The following CEP63 variants were observed in gnomAD, a reference collection of about 807,000 sequenced individuals.
The protein encoded by CEP63 is centrosomal protein 63.
A neutral mutation model predicts 89.1 loss-of-function variants in CEP63; 84 were observed. The observed-to-expected ratio is 0.94, with a 90% CI of 0.79 to 1.13. CEP63 has a LOEUF of 1.13. Among genes scored for constraint, CEP63 ranks in the 50% most tolerant of loss-of-function variants. The pLI is 0.00. For missense variants in CEP63, 838 were observed against 813.3 expected, an observed-to-expected ratio of 1.03 and a Z score of -0.37; for synonymous variants, 267 against 272.5, an observed-to-expected ratio of 0.98 and a Z score of 0.20.
chr3:134,725,606 T>A, the CEP63 span, among the ~76,000 whole-genome samples: 1 of 152,252 alleles, frequency 6.6e-6, no homozygotes, highest in South Asian at 2.1e-4. Flanking sequence ...ATACATATTG[T>A]GTGGGCTGCC....
At chr3:134,702,963 A>C in the CEP63 span, among the ~76,000 whole-genome samples, 1 of 152,142 alleles carries the variant, frequency 6.6e-6, no homozygotes, top group Non-Finnish European at 1.5e-5. Flanking sequence ...AATCTCATTA[A>C]TGGGTATATA....
chr3:134,555,216 A>T (rs2110005811), intron 12 of CEP63, among the ~76,000 whole-genome samples: 1 of 152,188 alleles, frequency 6.6e-6, no homozygotes, highest in African/African-American at 2.4e-5. Context: ...CTGGCACAAG[A>T]CAGGGATGCC....
the CEP63 span, among the ~76,000 whole-genome samples, chr3:134,695,799 G>A: frequency 1.2e-4 from 19 of 152,352 alleles, no homozygotes; most frequent in East Asian, 3.7e-3. Flanking sequence ...TTCCTGGTCT[G>A]CCTGTGTGGC....
chr3:134,568,725 TAAC>T (rs1181911450), downstream of CEP63, among the ~76,000 whole-genome samples: 1 of 152,240 alleles, frequency 6.6e-6, no homozygotes, highest in Non-Finnish European at 1.5e-5. Context: ...ACCCATTGTT[TAAC>T]AACACCAAGC....
At chr3:134,726,817 C>T in the CEP63 span, among the ~76,000 whole-genome samples, 12 of 152,292 alleles carry the variant, frequency 7.9e-5, no homozygotes, top group East Asian at 1.9e-4. Context: ...CAGATTCCTG[C>T]GGCTCCTGTT....
chr3:134,575,641 T>C (rs928580291), downstream of CEP63, among the ~76,000 whole-genome samples: 2 of 145,618 alleles, frequency 1.4e-5, no homozygotes, highest in African/African-American at 2.5e-5. Flanking sequence ...AGACAGGGTC[T>C]CACTCTGTGG....
chr3:134,739,102 T>C, the CEP63 span, among the ~76,000 whole-genome samples: 1 of 152,272 alleles, frequency 6.6e-6, no homozygotes, highest in Admixed American at 6.5e-5. Flanking sequence ...AGGTTAAATA[T>C]AATGTTACCA....
the CEP63 span, among the ~76,000 whole-genome samples, chr3:134,599,407 G>T: frequency 6.6e-6 from 1 of 152,206 alleles, no homozygotes; most frequent in Non-Finnish European, 1.5e-5. Context: ...CTACAGCTAC[G>T]AGAATGGTCT....
At chr3:134,673,725 C>T in the CEP63 span, among the ~76,000 whole-genome samples, 2 of 152,134 alleles carry the variant, frequency 1.3e-5, no homozygotes, top group East Asian at 3.8e-4. Flanking sequence ...CTTCCCCATC[C>T]CCTCCACCAG....
the CEP63 span, among the ~76,000 whole-genome samples, chr3:134,728,462 C>A: frequency 3.9e-5 from 6 of 152,262 alleles, no homozygotes; most frequent in African/African-American, 1.4e-4. Flanking sequence ...TAGGATATCA[C>A]CCAAATGCTC....
chr3:134,662,233 C>T, the CEP63 span, among the ~76,000 whole-genome samples: 1,835 of 151,208 alleles, frequency 0.012, 33 homozygotes, highest in African/African-American at 0.042. Context: ...GCCAAGATCA[C>T]GCCATTGCTC....
At chr3:134,692,094 T>A in the CEP63 span, among the ~76,000 whole-genome samples, 1 of 134,418 alleles carries the variant, frequency 7.4e-6, no homozygotes. Context: ...GCAGCTAGAT[T>A]TTTTTTTTAA....
chr3:134,552,423 G>A (rs1955113238), intron 12 of CEP63: 1 of 154,266 alleles, frequency 6.5e-6, no homozygotes, highest in Non-Finnish European at 1.4e-5. Flanking sequence ...GGCTGGTCTC[G>A]AACTCCCAAT....
At chr3:134,520,075 G>A (rs971094014) in intron 3 of CEP63, among the ~76,000 whole-genome samples, 1 of 152,102 alleles carries the variant, frequency 6.6e-6, no homozygotes, top group Admixed American at 6.6e-5. Context: ...TGTAGTGGAG[G>A]TGTAGCTAGT....
At chr3:134,697,294 G>A in the CEP63 span, among the ~76,000 whole-genome samples, 1 of 152,018 alleles carries the variant, frequency 6.6e-6, no homozygotes, top group African/African-American at 2.4e-5. Context: ...TTTTTTTGAA[G>A]AGATAAGCTT....
the CEP63 span, chr3:134,612,996 A>G: frequency 1.4e-4 from 21 of 154,240 alleles, no homozygotes; most frequent in Middle Eastern, 5.9e-4. Context: ...TTAAAATTAT[A>G]TTCTTCAGGA....
chr3:134,548,962 G>A lies in CEP63; in HGVS notation c.1068-100G>A, dbSNP rs1244192923. 3 of 739,418 alleles carry A rather than the reference G, an allele frequency of 4.1e-6. No homozygotes were observed. In the African/African-American group the frequency reaches 5.2e-5, roughly 13 times the overall value. The allele number at this position is 739,418 out of a possible 1,614,324, so 45.8% of individuals were successfully genotyped here. ...GACTGAGGTGATGTTTAAGATATTG[G>A]CTGGATATTTTTTGGATATCAAGAA... On this transcript the variant is annotated intron_variant, in intron 9 of 14. Coordinates refer to ENST00000675561, the MANE Select transcript of CEP63 (RefSeq NM_001353108.3).
the CEP63 span, among the ~76,000 whole-genome samples, chr3:134,672,236 A>G: frequency 0.031 from 4,694 of 152,326 alleles, 90 homozygotes; most frequent in African/African-American, 0.036. Context: ...AAAATGAGTA[A>G]TAATAGTAGC....
intron 9 of CEP63, 28 bp from the exon 10 acceptor site, chr3:134,549,034 A>C: frequency 6.8e-7 from 1 of 1,473,242 alleles, no homozygotes; most frequent in Non-Finnish European, 9.5e-7. Flanking sequence ...TTTGGTTTTA[A>C]GTATGGGATC....
Sources: gnomAD v4.1 joint callset for allele counts (sites outside exome capture counted in the v4.1 genomes callset) on GRCh38, gnomAD v4.1.1 for gene constraint, MANE v1.5 for transcripts, NCBI Gene and HGNC (gene_info 2026-07-23, HGNC 2026-07-21) for gene names.